PMS1: variants seen among roughly 807,000 people sequenced by gnomAD.
PMS1 encodes the protein PMS1 protein homolog 1.
A neutral mutation model predicts 93.1 loss-of-function variants in PMS1; 79 were observed. The ratio of observed to expected loss-of-function variants is 0.85; its 90% confidence interval spans 0.71 to 1.02. The LOEUF (loss-of-function observed/expected upper bound fraction) is 1.02. PMS1 is among the 50% of genes least tolerant of loss of function. The probability of loss-of-function intolerance (pLI) is 0.00; values close to 1 mark genes in which losing one functional copy is unlikely to be tolerated. For missense variants in PMS1, 1,064 were observed against 1,085.3 expected (o/e 0.98, Z 0.28); for synonymous variants, 335 against 363.4 (o/e 0.92, Z 0.89).
At chr2:189,872,886 G>A (rs1307715326) in intron 11 of PMS1, among the ~76,000 whole-genome samples, 1 of 152,016 alleles carries the variant, frequency 6.6e-6, no homozygotes, top group African/African-American at 2.4e-5. Context: ...TGCCTGCCTC[G>A]GCCTCCCAAA....
intron 1 of PMS1, among the ~76,000 whole-genome samples, chr2:189,786,790 G>A (rs934101214): frequency 6.6e-6 from 1 of 152,164 alleles, no homozygotes; most frequent in African/African-American, 2.4e-5. Flanking sequence ...GGTGGCTCAC[G>A]CCTGTAATCC....
intron 5 of PMS1, among the ~76,000 whole-genome samples, chr2:189,826,576 C>CAT (rs2052449259): frequency 6.6e-6 from 1 of 151,586 alleles, no homozygotes; most frequent in African/African-American, 2.4e-5. Context: ...AGATGAAAGA[C>CAT]ATATAAGTCA....
chr2:189,803,980 A>G (rs2050116710), intron 3 of PMS1, among the ~76,000 whole-genome samples: 1 of 152,200 alleles, frequency 6.6e-6, no homozygotes, highest in Non-Finnish European at 1.5e-5. Context: ...ACTGGAGTAT[A>G]TATGTTTAAA....
At chr2:189,816,506 T>C (rs1229072006) in intron 4 of PMS1, among the ~76,000 whole-genome samples, 1 of 152,162 alleles carries the variant, frequency 6.6e-6, no homozygotes, top group African/African-American at 2.4e-5. Context: ...AGAATGTACT[T>C]TCTTTTTTCT....
chr2:189,786,007 C>G (rs986242700), intron 1 of PMS1, among the ~76,000 whole-genome samples: 1 of 152,120 alleles, frequency 6.6e-6, no homozygotes, highest in Non-Finnish European at 1.5e-5. Context: ...CTCCTGTAAT[C>G]CCAGCTACTT....
At chr2:189,830,156 G>T (rs1276604099) in intron 5 of PMS1, among the ~76,000 whole-genome samples, 3 of 152,130 alleles carry the variant, frequency 2.0e-5, no homozygotes, top group South Asian at 4.1e-4. Context: ...CAGCTGTTCA[G>T]CCCTGTTGTT....
chr2:189,872,311 T>C (rs567663403), intron 11 of PMS1, among the ~76,000 whole-genome samples: 4 of 152,286 alleles, frequency 2.6e-5, no homozygotes, highest in Admixed American at 1.3e-4. Flanking sequence ...AGTCTGTAAT[T>C]GGGAACAGGT....
At chr2:189,864,563 G>A (rs1409161772) in intron 10 of PMS1, among the ~76,000 whole-genome samples, 1 of 144,310 alleles carries the variant, frequency 6.9e-6, no homozygotes, top group Non-Finnish European at 1.5e-5. Context: ...GGCTGAGGCA[G>A]GAGAATCGCT....
intron 11 of PMS1, among the ~76,000 whole-genome samples, chr2:189,871,331 GA>G (rs927724473): frequency 2.0e-5 from 3 of 151,882 alleles, no homozygotes; most frequent in Admixed American, 2.0e-4. Flanking sequence ...AAAAATTGCA[GA>G]AAAAATCTCA....
chr2:189,794,002 C>T (rs1440189922), intron 2 of PMS1, among the ~76,000 whole-genome samples: 2 of 151,806 alleles, frequency 1.3e-5, no homozygotes, highest in African/African-American at 4.8e-5. Context: ...GTGATCCACC[C>T]ATCTCAGCCT....
At chr2:189,802,209 C>A (rs1462177511) in intron 3 of PMS1, among the ~76,000 whole-genome samples, 1 of 152,224 alleles carries the variant, frequency 6.6e-6, no homozygotes, top group African/African-American at 2.4e-5. Context: ...GACCCCACCA[C>A]TTCGCTATGC....
At chr2:189,796,743 A>G (rs2049394884) in intron 3 of PMS1, among the ~76,000 whole-genome samples, 1 of 152,172 alleles carries the variant, frequency 6.6e-6, no homozygotes, top group African/African-American at 2.4e-5. Context: ...ATGTGTATAT[A>G]CCACATTTTG....
intron 7 of PMS1, among the ~76,000 whole-genome samples, chr2:189,853,185 C>T (rs1037129164): frequency 6.6e-6 from 1 of 151,640 alleles, no homozygotes; most frequent in Non-Finnish European, 1.5e-5. Flanking sequence ...TCACAAGTAG[C>T]TGGTATTACA....
chr2:189,858,562 A>G (rs1286699804), intron 9 of PMS1, among the ~76,000 whole-genome samples: 1 of 152,148 alleles, frequency 6.6e-6, no homozygotes, highest in Non-Finnish European at 1.5e-5. Flanking sequence ...CCCAAAGATG[A>G]GTACCATATG....
intron 5 of PMS1, among the ~76,000 whole-genome samples, chr2:189,843,243 C>A (rs2053965287): frequency 6.6e-6 from 1 of 152,062 alleles, no homozygotes; most frequent in Non-Finnish European, 1.5e-5. Flanking sequence ...GTCTCGAACT[C>A]CTGACCTCAA....
Position 189,854,374 on chromosome 2 carries a change from G to A in PMS1, c.1102G>A (p.Val368Met), listed in dbSNP as rs2055100069. The A allele has an allele frequency of 6.2e-7, 1 of 1,602,562 alleles. No individual in the cohort carries two copies. The highest frequency in any genetic ancestry group is 2.2e-5 in the East Asian group (1 of 44,606). ...TCTTAGTAAAACAGCAGAAACAGAT[G>A]TGCTTTTTAATAAAGTGGAATCATC... The part of the protein sequence containing the change: ...IVLSKTAETD[V>M]LFNKVESSGK... The change falls in exon 9 of 13, where the codon GTG becomes ATG. Residue 368 changes from valine (V) to methionine (M), a missense_variant. Val to Met is a conservative substitution (Grantham distance 21). Coordinates refer to ENST00000441310, the MANE Select transcript of PMS1 (RefSeq NM_000534.5).
chr2:189,791,322 G>C (rs1386273029), intron 1 of PMS1, among the ~76,000 whole-genome samples: 1 of 152,032 alleles, frequency 6.6e-6, no homozygotes, highest in Non-Finnish European at 1.5e-5. Flanking sequence ...GTAATAATAA[G>C]AAATAGAAGA....
intron 7 of PMS1, among the ~76,000 whole-genome samples, chr2:189,853,565 G>A (rs1018198308): frequency 1.3e-5 from 2 of 149,942 alleles, no homozygotes; most frequent in African/African-American, 4.9e-5. Context: ...GCCCATGCTG[G>A]AATGCAGTAG....
chr2:189,842,370 GT>G (rs1408640371), intron 5 of PMS1, among the ~76,000 whole-genome samples: 1 of 152,076 alleles, frequency 6.6e-6, no homozygotes, highest in African/African-American at 2.4e-5. Flanking sequence ...CCTTTGGACA[GT>G]TTCCTCCAGA....
Sources: gnomAD v4.1 joint callset for allele counts (sites outside exome capture counted in the v4.1 genomes callset) on GRCh38, gnomAD v4.1.1 for gene constraint, MANE v1.5 for transcripts, NCBI Gene and HGNC (gene_info 2026-07-23, HGNC 2026-07-21) for gene names.